The following DYNC2H1 variants were observed in gnomAD, a reference collection of about 807,000 sequenced individuals.
DYNC2H1 encodes cytoplasmic dynein 2 heavy chain 1.
DYNC2H1 carries 410 observed loss-of-function variants against 570.0 expected under a neutral mutation model. The ratio of observed to expected loss-of-function variants is 0.72; its 90% confidence interval spans 0.66 to 0.78. The LOEUF (loss-of-function observed/expected upper bound fraction) is 0.78. DYNC2H1 is among the 30% of genes least tolerant of loss of function. The pLI, the probability that DYNC2H1 is intolerant of heterozygous loss-of-function variation, is 0.00. For synonymous variants in DYNC2H1, 1,688 were observed against 1,677.6 expected (o/e 1.01, Z -0.15); for missense variants, 4,865 against 5,046.4 (o/e 0.96, Z 1.09).
intron 78 of DYNC2H1, among the ~76,000 whole-genome samples, chr11:103,311,485 A>G (rs910865252): frequency 6.6e-6 from 1 of 152,172 alleles, no homozygotes; most frequent in Non-Finnish European, 1.5e-5. Context: ...TGGAAATTCA[A>G]ATAGCAACTA....
chr11:103,318,161 G>A (rs1937966023), intron 80 of DYNC2H1, among the ~76,000 whole-genome samples: 1 of 151,980 alleles, frequency 6.6e-6, no homozygotes, highest in Admixed American at 6.6e-5. Context: ...GAAGTATATG[G>A]ACAAAAAGTA....
At chr11:103,191,974 C>G in intron 46 of DYNC2H1, 123 bp from the exon 47 acceptor site, 1 of 718,322 alleles carries the variant, frequency 1.4e-6, no homozygotes, top group Non-Finnish European at 2.0e-6. Flanking sequence ...TTTTTCCTTT[C>G]TTCCATTTAT....
chr11:103,391,560 G>T (rs541959217), intron 83 of DYNC2H1, among the ~76,000 whole-genome samples: 1 of 152,342 alleles, frequency 6.6e-6, no homozygotes, highest in South Asian at 2.1e-4. Flanking sequence ...TCCTTTGGAA[G>T]GGAAGAGGCG....
intron 83 of DYNC2H1, among the ~76,000 whole-genome samples, chr11:103,392,766 GAAA>G (rs367942270): frequency 7.0e-6 from 1 of 143,522 alleles, no homozygotes; most frequent in Non-Finnish European, 1.5e-5. Flanking sequence ...GTCAATTTTG[GAAA>G]AAAAAAAAGT....
Position 103,177,668 on chromosome 11 carries a change from T to G in DYNC2H1, c.5987T>G (p.Leu1996Arg), listed in dbSNP as rs1348747294. The change falls in exon 38 of 89, where the codon CTT (leucine) becomes CGT (arginine). Residue 1996 changes from leucine to arginine, a missense_variant. Around this residue, in one of 5 missense-constraint regions of DYNC2H1, gnomAD observed 231 missense variants for 310.3 expected, o/e 0.74. Transcript: ENST00000375735. The surrounding 1 kb of genome is among the most constrained non-coding windows in gnomAD (Gnocchi z 4.4). ...CTTTGGAGAATGTTAAGGGCTGCGC[T>G]TTGTAAAACTGGCAAAGTAGTGAAA... Reference protein sequence around the residue: ...STLWRMLRAALCKTGKVVKQY... With the variant: ...STLWRMLRAARCKTGKVVKQY... 1 of 1,613,384 alleles carries G rather than the reference T, an allele frequency of 6.2e-7. No individual in the cohort carries two copies. Among genetic ancestry groups the G allele is most frequent in the Non-Finnish European group, 8.5e-7 (1 of 1,179,660 alleles).
rs1221359152 is a variant in DYNC2H1, at chr11:103,174,148, C to T, written c.5652C>T (p.Asn1884=). 6.3e-7 allele frequency: 1 copy of T among 1,579,352 alleles called. No individual in the cohort carries two copies. Among genetic ancestry groups the T allele is most frequent in the Admixed American group, 1.8e-5 (1 of 55,350 alleles). Residue 1884 remains asparagine (N), a synonymous_variant, in exon 36 of 89, where the codon AAC becomes AAT. Transcript: ENST00000375735. ...RGSGNLLRQL[N]KSGTTQNANE... is the part of the protein sequence containing the mutation. ...GTGGAAATCTCCTTAGACAGCTAAACAAAAGTGGCACTACACAGAATGGTA... is the reference window on the plus strand; with the variant it reads ...GTGGAAATCTCCTTAGACAGCTAAATAAAAGTGGCACTACACAGAATGGTA...
intron 84 of DYNC2H1, chr11:103,406,490 G>A (rs562624253): frequency 2.6e-5 from 4 of 151,998 alleles, no homozygotes; most frequent in Middle Eastern, 3.4e-3. Flanking sequence ...GTTAGTGGAG[G>A]TAAATCTCCT....
Position 103,203,745 on chromosome 11 carries a change from T to C in DYNC2H1, c.8280T>C (p.Phe2760=), listed in dbSNP as rs1178005132. The C allele has an allele frequency of 1.2e-6, 2 of 1,611,566 alleles. No homozygotes were observed. The highest frequency in any genetic ancestry group is 1.7e-5 in the Admixed American group (1 of 59,806). ...AGGATCAAGCTTCACAAGATGGTTT[T>C]TTTGGACCAGTCTTCAATTACTTCA... ...PLKDQASQDG[F]FGPVFNYFTY... Residue 2760 remains phenylalanine, a synonymous_variant, in exon 51 of 89, where the codon TTT becomes TTC. Coordinates refer to ENST00000375735, the MANE Select transcript of DYNC2H1 (RefSeq NM_001377.3). This position sits in a 1 kb window ranked among gnomAD's most constrained non-coding sequence, Gnocchi z 4.7.
chr11:103,259,440 C>G (rs1865182323), intron 69 of DYNC2H1, among the ~76,000 whole-genome samples: 1 of 152,102 alleles, frequency 6.6e-6, no homozygotes, highest in Non-Finnish European at 1.5e-5. Flanking sequence ...TATTGTTCAT[C>G]CTTATTCATC....
At chr11:103,345,952 C>G (rs1939723128) in intron 82 of DYNC2H1, among the ~76,000 whole-genome samples, 1 of 152,098 alleles carries the variant, frequency 6.6e-6, no homozygotes, top group Non-Finnish European at 1.5e-5. Flanking sequence ...TGTATAAGAG[C>G]TACGTATTTC....
Position 103,455,182 on chromosome 11 carries a change from C to G in DYNC2H1, c.12457-4C>G, listed in dbSNP as rs779649719. ...TTTATATGTTCATATTTCCCCCCCT[C>G]TAGAACTGGGTAGATAAAGCTGAAA... On this transcript the variant is annotated splice_polypyrimidine_tract_variant and splice_region_variant and intron_variant, in intron 85 of 88. Coordinates refer to ENST00000375735, the MANE Select transcript of DYNC2H1 (RefSeq NM_001377.3). The G allele has an allele frequency of 1.2e-5, 19 of 1,610,826 alleles. No individual in the cohort carries two copies. The highest frequency in any genetic ancestry group is 1.4e-5 in the Non-Finnish European group (16 of 1,177,516).
intron 1 of DYNC2H1, among the ~76,000 whole-genome samples, chr11:103,111,445 C>T: frequency 6.6e-6 from 1 of 152,130 alleles, no homozygotes; most frequent in South Asian, 2.1e-4. Context: ...AAATTTACAA[C>T]CTAAATGTTA....
chr11:103,219,593 C>T (rs1863510464), intron 55 of DYNC2H1, among the ~76,000 whole-genome samples: 1 of 152,018 alleles, frequency 6.6e-6, no homozygotes, highest in Admixed American at 6.6e-5. Context: ...GCCTGGGCGA[C>T]AAGAGCAAGA....
chr11:103,142,421 G>A (rs962721159), intron 17 of DYNC2H1, among the ~76,000 whole-genome samples: 1 of 152,136 alleles, frequency 6.6e-6, no homozygotes, highest in Non-Finnish European at 1.5e-5. Flanking sequence ...TGTAATCCTG[G>A]CACTTTGGGA....
intron 83 of DYNC2H1, among the ~76,000 whole-genome samples, chr11:103,386,125 G>C (rs1769128298): frequency 6.6e-6 from 1 of 152,166 alleles, no homozygotes; most frequent in African/African-American, 2.4e-5. Context: ...TTGCATTTAA[G>C]AATATGCTTT....
Position 103,154,756 on chromosome 11 carries a change from G to T in DYNC2H1, c.3520G>T (p.Glu1174Ter). ...CTGGCATGACAGATTAAGGAAGGTT[G>T]AAGAACATTCAGTGATGACAGTGAA... ...MNWHDRLRKV[E>*]EHSVMTVKLQ... The change falls in exon 24 of 89, where the codon GAA (glutamate) becomes TAA (stop). Residue 1174 changes from glutamate (E) to a stop codon, truncating the protein, a stop_gained. Coordinates refer to ENST00000375735, the MANE Select transcript of DYNC2H1 (RefSeq NM_001377.3). LOFTEE classifies it high-confidence loss of function. 6.4e-7 allele frequency: 1 copy of T among 1,569,920 alleles called. No individual in the cohort carries two copies. Among genetic ancestry groups the T allele is most frequent in the African/African-American group, 1.3e-5 (1 of 74,096 alleles).
rs2135364438 is a variant in DYNC2H1 at position 103,289,900 on chromosome 11, A to T, written c.11095+2295A>T. 6.6e-6 allele frequency among the ~76,000 whole-genome samples: 1 copy of T among 152,320 alleles called. No homozygotes were observed. The highest frequency in any genetic ancestry group is 1.5e-5 in the Non-Finnish European group (1 of 68,022). The stretch of plus-strand genomic sequence containing the variant: ...ATATGATTGGTGTCCTTACAAGAAG[A>T]CATCCATGTAAAGACAGACACGCAA... On this transcript the variant is annotated intron_variant, in intron 75 of 88. Coordinates refer to ENST00000375735, the MANE Select transcript of DYNC2H1 (RefSeq NM_001377.3). This position sits in a 1 kb window ranked among gnomAD's most constrained non-coding sequence, Gnocchi z 4.2.
chr11:103,359,855 C>A (rs113018897), intron 83 of DYNC2H1, among the ~76,000 whole-genome samples: 1 of 151,592 alleles, frequency 6.6e-6, no homozygotes, highest in Non-Finnish European at 1.5e-5. Context: ...AGTAGAGATG[C>A]GTTTTTACCA....
chr11:103,300,893 A>C (rs1447657576), intron 75 of DYNC2H1, among the ~76,000 whole-genome samples: 4 of 136,284 alleles, frequency 2.9e-5, no homozygotes, highest in African/African-American at 9.9e-5. Context: ...AAATACACTT[A>C]AGTCAGTAAG....
Sources: gnomAD v4.1 joint callset for allele counts (sites outside exome capture counted in the v4.1 genomes callset) on GRCh38, gnomAD v4.1.1 for gene constraint, gnomAD v4.1.1 regional missense constraint, Gnocchi (gnomAD v3.1) non-coding constraint, MANE v1.5 for transcripts, NCBI Gene and HGNC (gene_info 2026-07-23, HGNC 2026-07-21) for gene names.